Variants in DNMT3A observed in about 807,000 individuals in gnomAD.
DNMT3A encodes the protein DNA methyltransferase 3 alpha, also known as DNA (cytosine-5)-methyltransferase 3A.
DNMT3A carries 267 observed loss-of-function variants against 117.6 expected under a neutral mutation model. The observed-to-expected ratio is 2.27, with a 90% confidence interval of 2.05 to 2.51. The LOEUF is 2.51. Among genes scored for constraint, DNMT3A ranks in the 30% most tolerant of loss-of-function variants. The pLI, the probability that DNMT3A is intolerant of heterozygous loss-of-function variation, is 0.00. For missense variants in DNMT3A, 1,029 were observed against 1,260.2 expected, an observed-to-expected ratio of 0.82 and a Z score of 2.78; for synonymous variants, 432 against 474.8, an observed-to-expected ratio of 0.91 and a Z score of 1.17.
chr2:25,308,135 G>T (rs1237244704), intron 2 of DNMT3A, among the ~76,000 whole-genome samples: 2 of 152,280 alleles, frequency 1.3e-5, no homozygotes, highest in South Asian at 4.1e-4. Context: ...TTCATGGGGC[G>T]GCAGTGGGTG....
rs2032909834 is a variant in DNMT3A at position 25,293,516 on chromosome 2, G to A, written c.177+6623C>T. ...ATTTTTCTTCTTTCTTTGAGACAGGGTTTTGCTCTGTCACCCAGCTGGAGT... is the reference window on the plus strand; with the variant it reads ...ATTTTTCTTCTTTCTTTGAGACAGGATTTTGCTCTGTCACCCAGCTGGAGT... On this transcript the variant is annotated intron_variant, in intron 3 of 22. Transcript: ENST00000321117. The surrounding 1 kb of genome is among the most constrained non-coding windows in gnomAD (Gnocchi z 4.7). Among the ~76,000 whole-genome samples, 1 of 152,116 alleles carries A rather than the reference G, an allele frequency of 6.6e-6. No homozygotes were observed.
chr2:25,246,446 C>T, intron 10 of DNMT3A, 137 bp from the exon 11 acceptor site: 1 of 1,433,378 alleles, frequency 7.0e-7, no homozygotes, highest in South Asian at 1.4e-5. Context: ...TTCTAGCCAA[C>T]CAACAGAGAG....
intron 1 of DNMT3A, among the ~76,000 whole-genome samples, chr2:25,334,786 C>T (rs1182070893): frequency 1.3e-5 from 2 of 152,230 alleles, no homozygotes; most frequent in East Asian, 1.9e-4. Context: ...GGAAAAGACA[C>T]GTACCTGAGT....
At position 25,306,490 on chromosome 2, in the gene DNMT3A, G is replaced by T. The variant is rs1460155188; in HGVS notation, c.73-6247C>A. On this transcript the variant is annotated intron_variant, in intron 2 of 22. Transcript: ENST00000321117. The surrounding 1 kb of genome is among the most constrained non-coding windows in gnomAD (Gnocchi z 4.1). ...AGGGGAGGGGCCGTGTCTCATTGGC[G>T]CCTCTGAGTCCCCCACAGCTCCTGG... 6.6e-6 allele frequency among the ~76,000 whole-genome samples: 1 copy of T among 152,194 alleles called. No individual in the cohort carries two copies. Among genetic ancestry groups the T allele is most frequent in the African/African-American group, 2.4e-5 (1 of 41,450 alleles).
rs144653633 is a variant in DNMT3A, at chr2:25,256,680, T to G, written c.640-8428A>C. 3.1e-3 allele frequency among the ~76,000 whole-genome samples: 478 copies of G among 152,146 alleles called. 5 individuals are homozygous for G. Among genetic ancestry groups the G allele is most frequent in the African/African-American group, 0.011 (461 of 41,494 alleles). ...GCCCCTCACCCTTATCCTCCCCTTCTGTCCCTTATCTTTCCCTTCTGTCCC... is the reference window on the plus strand; with the variant it reads ...GCCCCTCACCCTTATCCTCCCCTTCGGTCCCTTATCTTTCCCTTCTGTCCC... On this transcript the variant is annotated intron_variant, in intron 6 of 22. Transcript: ENST00000321117.
At chr2:25,280,512 G>A (rs1270322203) in intron 4 of DNMT3A, among the ~76,000 whole-genome samples, 2 of 152,134 alleles carry the variant, frequency 1.3e-5, no homozygotes, top group South Asian at 2.1e-4. Context: ...CTCACCCAGT[G>A]GACTCCCTTC....
intron 1 of DNMT3A, among the ~76,000 whole-genome samples, chr2:25,332,220 G>C (rs1231778438): frequency 2.0e-5 from 3 of 152,046 alleles, no homozygotes; most frequent in Non-Finnish European, 4.4e-5. Flanking sequence ...CATGTCCCCC[G>C]GCCCAGGCCC....
chr2:25,291,248 C>A (rs2032743349), intron 3 of DNMT3A, among the ~76,000 whole-genome samples: 1 of 152,256 alleles, frequency 6.6e-6, no homozygotes, highest in African/African-American at 2.4e-5. Flanking sequence ...TTTCAGGAAA[C>A]AGCTGCATGT....
At chr2:25,241,914 G>C in intron 16 of DNMT3A, 1 of 615,426 alleles carries the variant, frequency 1.6e-6, no homozygotes, top group Non-Finnish European at 2.7e-6. Flanking sequence ...TGCCTCGTTT[G>C]GCCTATCTGG....
chr2:25,332,164 A>T (rs2035036957), intron 1 of DNMT3A, among the ~76,000 whole-genome samples: 1 of 152,154 alleles, frequency 6.6e-6, no homozygotes, highest in Non-Finnish European at 1.5e-5. Context: ...GATCCTTCTC[A>T]AATATAAATC....
At position 25,305,819 on chromosome 2, in the gene DNMT3A, C is replaced by G. The variant is rs1436697327; in HGVS notation, c.73-5576G>C. Among the ~76,000 whole-genome samples the G allele has an allele frequency of 6.6e-6, 1 of 152,210 alleles. No individual in the cohort carries two copies. Among genetic ancestry groups the G allele is most frequent in the Non-Finnish European group, 1.5e-5 (1 of 68,042 alleles). On this transcript the variant is annotated intron_variant, in intron 2 of 22. Coordinates refer to ENST00000321117, the MANE Select transcript of DNMT3A (RefSeq NM_022552.5). This position sits in a 1 kb window ranked among gnomAD's most constrained non-coding sequence, Gnocchi z 4.1. ...TGTGCCCAGACACAGGACCCCTCCC[C>G]ACAAGAGATTTATGTCTCTTGAGGC...
chr2:25,308,987 A>ACACACACACACACG (rs1457256095), intron 2 of DNMT3A, among the ~76,000 whole-genome samples: 3 of 151,410 alleles, frequency 2.0e-5, no homozygotes, highest in Admixed American at 2.0e-4. Context: ...ACACACACAC[A>ACACACACACACACG]CACACACACA....
At chr2:25,246,800 G>C in intron 9 of DNMT3A, 24 bp from the exon 10 acceptor site, 3 of 1,610,170 alleles carry the variant, frequency 1.9e-6, no homozygotes, top group Non-Finnish European at 2.5e-6. Context: ...CGCCAGGGTT[G>C]GGGTTGTCAG....
intron 3 of DNMT3A, among the ~76,000 whole-genome samples, chr2:25,299,906 G>A (rs1270466652): frequency 6.6e-6 from 1 of 152,174 alleles, no homozygotes; most frequent in Non-Finnish European, 1.5e-5. Flanking sequence ...ACTCCAGCCT[G>A]GGCAACAGAG....
At chr2:25,295,048 C>T (rs376309007) in intron 3 of DNMT3A, among the ~76,000 whole-genome samples, 1 of 152,200 alleles carries the variant, frequency 6.6e-6, no homozygotes, top group Non-Finnish European at 1.5e-5. Flanking sequence ...CACTCACCCC[C>T]CAGGGCCTTG....
chr2:25,271,696 T>C (rs1043803225), intron 6 of DNMT3A, among the ~76,000 whole-genome samples: 1 of 152,244 alleles, frequency 6.6e-6, no homozygotes, highest in African/African-American at 2.4e-5. Flanking sequence ...GATTCTTTAA[T>C]TACAGCATAG....
At chr2:25,250,566 C>T (rs1035479133) in intron 6 of DNMT3A, among the ~76,000 whole-genome samples, 2 of 152,214 alleles carry the variant, frequency 1.3e-5, no homozygotes, top group Non-Finnish European at 2.9e-5. Context: ...TTAGCCATCG[C>T]CTCCTCCCCT....
At chr2:25,275,642 G>A in intron 4 of DNMT3A, 99 bp from the exon 5 acceptor site, 1 of 1,318,730 alleles carries the variant, frequency 7.6e-7, no homozygotes, top group East Asian at 2.6e-5. Flanking sequence ...CTGCCACAGG[G>A]GATGGGGGTC....
At chr2:25,274,858 C>G in intron 6 of DNMT3A, 83 bp downstream of exon 6, 1 of 1,537,414 alleles carries the variant, frequency 6.5e-7, no homozygotes, top group Non-Finnish European at 8.8e-7. Flanking sequence ...TAAGGGTTAG[C>G]CTGAAGGGGA....
Sources: gnomAD v4.1 joint callset for allele counts (sites outside exome capture counted in the v4.1 genomes callset) on GRCh38, gnomAD v4.1.1 for gene constraint, Gnocchi (gnomAD v3.1) non-coding constraint, MANE v1.5 for transcripts, NCBI Gene and HGNC (gene_info 2026-07-23, HGNC 2026-07-21) for gene names.